Variants in LGSN observed in about 807,000 individuals in gnomAD.
LGSN encodes the protein lengsin, lens protein with glutamine synthetase domain.
Under a neutral mutation model 19.5 loss-of-function variants are expected in LGSN, and 21 were observed. The observed-to-expected ratio is 1.07, with a 90% confidence interval of 0.76 to 1.55. The LOEUF (loss-of-function observed/expected upper bound fraction) is 1.55. Among genes scored for constraint, LGSN ranks in the 40% most tolerant of loss-of-function variants. LGSN has a pLI of 0.00. For missense variants in LGSN, 673 were observed against 608.5 expected (o/e 1.11, Z -1.12); for synonymous variants, 257 against 215.6 (o/e 1.19, Z -1.68).
At chr6:63,438,184 G>C in the LGSN span, among the ~76,000 whole-genome samples, 7 of 152,148 alleles carry the variant, frequency 4.6e-5, no homozygotes, top group Non-Finnish European at 7.3e-5. Flanking sequence ...AGGCCAAGGT[G>C]GGTGGATCAC....
chr6:63,528,013 G>A, the LGSN span: 1 of 152,196 alleles, frequency 6.6e-6, no homozygotes, highest in East Asian at 1.9e-4. Flanking sequence ...GCAGCTCTTG[G>A]AGGCTCTACA....
chr6:63,377,767 A>T, the LGSN span, among the ~76,000 whole-genome samples: 2 of 151,850 alleles, frequency 1.3e-5, no homozygotes, highest in Non-Finnish European at 2.9e-5. Context: ...ACAAAAAATT[A>T]TCAGGGCGTG....
At chr6:63,348,043 A>G in the LGSN span, among the ~76,000 whole-genome samples, 1 of 152,258 alleles carries the variant, frequency 6.6e-6, no homozygotes, top group Non-Finnish European at 1.5e-5. Flanking sequence ...AGAAAAAAAC[A>G]AATAAAACCA....
the LGSN span, among the ~76,000 whole-genome samples, chr6:63,516,837 C>T: frequency 5.3e-5 from 8 of 152,282 alleles, no homozygotes; most frequent in South Asian, 1.5e-3. Context: ...AAGGCAGAAG[C>T]TCCAACAGTT....
chr6:63,506,746 A>C, the LGSN span, among the ~76,000 whole-genome samples: 128 of 152,294 alleles, frequency 8.4e-4, no homozygotes, highest in Middle Eastern at 0.01. Flanking sequence ...TCTTCCCAAA[A>C]TAAGAAAAAT....
At chr6:63,467,276 TA>T in the LGSN span, among the ~76,000 whole-genome samples, 1 of 105,982 alleles carries the variant, frequency 9.4e-6, no homozygotes, top group Non-Finnish European at 2.1e-5. Flanking sequence ...AAAAGTGAAA[TA>T]CAAAAAAAAA....
the LGSN span, among the ~76,000 whole-genome samples, chr6:63,346,364 T>C: frequency 6.6e-6 from 1 of 151,064 alleles, no homozygotes; most frequent in African/African-American, 2.5e-5. Flanking sequence ...CATATCTTCT[T>C]GAAAAAGCTT....
At chr6:63,329,592 G>T in the LGSN span, among the ~76,000 whole-genome samples, 1 of 152,170 alleles carries the variant, frequency 6.6e-6, no homozygotes, top group African/African-American at 2.4e-5. Context: ...TATTGCCTTT[G>T]ATAAGGAAAA....
chr6:63,486,351 G>A, the LGSN span, among the ~76,000 whole-genome samples: 13 of 152,254 alleles, frequency 8.5e-5, no homozygotes, highest in African/African-American at 3.1e-4. Flanking sequence ...TACCTGTCAA[G>A]CAGCCAAAGA....
At chr6:63,361,348 G>A in the LGSN span, among the ~76,000 whole-genome samples, 6 of 152,160 alleles carry the variant, frequency 3.9e-5, no homozygotes, top group African/African-American at 9.6e-5. Flanking sequence ...CTCAAGCCTC[G>A]GCAATGGTGG....
the LGSN span, among the ~76,000 whole-genome samples, chr6:63,462,340 T>C: frequency 6.6e-6 from 1 of 152,130 alleles, no homozygotes; most frequent in East Asian, 1.9e-4. Flanking sequence ...ACTCACTGTT[T>C]ACAAACATAT....
At chr6:63,413,144 A>C in the LGSN span, among the ~76,000 whole-genome samples, 2 of 147,384 alleles carry the variant, frequency 1.4e-5, no homozygotes, top group Non-Finnish European at 2.9e-5. Flanking sequence ...TCATATTAAT[A>C]AAATGTAAAG....
At chr6:63,513,910 C>CAAA in the LGSN span, among the ~76,000 whole-genome samples, 8 of 10,658 alleles carry the variant, frequency 7.5e-4, no homozygotes, top group Admixed American at 1.2e-3. Context: ...GACTTCATCT[C>CAAA]AAAAAAAAAA....
the LGSN span, among the ~76,000 whole-genome samples, chr6:63,325,361 C>T: frequency 1.3e-5 from 2 of 151,942 alleles, no homozygotes; most frequent in South Asian, 2.1e-4. Context: ...CTAGACTAAC[C>T]AGGAAGAGAG....
chr6:63,424,050 C>T, the LGSN span, among the ~76,000 whole-genome samples: 3 of 151,404 alleles, frequency 2.0e-5, no homozygotes, highest in Admixed American at 6.6e-5. Flanking sequence ...AAAAGCAAAA[C>T]GAAAGAAAGA....
chr6:63,457,080 C>T, the LGSN span, among the ~76,000 whole-genome samples: 1 of 152,188 alleles, frequency 6.6e-6, no homozygotes, highest in South Asian at 2.1e-4. Context: ...TCACCCTCAT[C>T]ATTTAGAGAC....
At chr6:63,462,512 C>T in the LGSN span, among the ~76,000 whole-genome samples, 1 of 152,182 alleles carries the variant, frequency 6.6e-6, no homozygotes, top group Non-Finnish European at 1.5e-5. Context: ...TGATGCATGC[C>T]TGTAGTCCCA....
At chr6:63,547,544 C>T in the LGSN span, among the ~76,000 whole-genome samples, 3 of 122,448 alleles carry the variant, frequency 2.5e-5, no homozygotes, top group Non-Finnish European at 4.9e-5. Context: ...CTTGCTCTGT[C>T]GCCCAGGCTG....
chr6:63,493,501 G>C, the LGSN span, among the ~76,000 whole-genome samples: 1 of 151,324 alleles, frequency 6.6e-6, no homozygotes, highest in Non-Finnish European at 1.5e-5. Flanking sequence ...TCAGTTTAAA[G>C]AATTTAATTT....
Sources: allele counts gnomAD v4.1 joint callset (sites outside exome capture counted in the v4.1 genomes callset), GRCh38; gene constraint gnomAD v4.1.1; transcripts MANE v1.5; gene names NCBI Gene and HGNC (gene_info 2026-07-23, HGNC 2026-07-21).